NLRP2: variants seen among roughly 807,000 people sequenced by gnomAD.
The protein encoded by NLRP2 is NACHT, LRR and PYD domains-containing protein 2.
Under a neutral mutation model 97.2 loss-of-function variants are expected in NLRP2, and 107 were observed. The observed-to-expected ratio is 1.10, with a 90% CI of 0.94 to 1.29. NLRP2 has a LOEUF of 1.29. Ranked by LOEUF, NLRP2 falls within the 50% of genes most tolerant of loss-of-function variation. The pLI is 0.00. For synonymous variants in NLRP2, 663 were observed against 551.5 expected (o/e 1.20, Z -2.83); for missense variants, 1,495 against 1,330.3 (o/e 1.12, Z -1.93).
intron 10 of NLRP2, among the ~76,000 whole-genome samples, chr19:54,992,938 A>G (rs531529426): frequency 4.0e-4 from 61 of 151,998 alleles, no homozygotes; most frequent in African/African-American, 1.5e-3. Flanking sequence ...GTTTTCCTCC[A>G]TTACAGTCAT....
chr19:54,973,360 T>TGG (rs1427042880), intron 2 of NLRP2, among the ~76,000 whole-genome samples: 2 of 149,346 alleles, frequency 1.3e-5, no homozygotes, highest in East Asian at 2.0e-4. Flanking sequence ...TTTTTTTTTT[T>TGG]TTTGGTTTGG....
At chr19:54,995,719 G>GT (rs1458409617) in intron 11 of NLRP2, among the ~76,000 whole-genome samples, 2 of 152,076 alleles carry the variant, frequency 1.3e-5, no homozygotes, top group African/African-American at 4.8e-5. Context: ...ACTTGAACCT[G>GT]GAATCCTATC....
intron 7 of NLRP2, among the ~76,000 whole-genome samples, chr19:54,985,860 T>A (rs2072037099): frequency 6.6e-6 from 1 of 151,872 alleles, no homozygotes; most frequent in African/African-American, 2.4e-5. Context: ...TTGCCAGGTG[T>A]CGTGGCAGGT....
At chr19:54,976,269 G>C (rs922314670) in intron 3 of NLRP2, among the ~76,000 whole-genome samples, 1 of 151,480 alleles carries the variant, frequency 6.6e-6, no homozygotes, top group Non-Finnish European at 1.5e-5. Flanking sequence ...TGGCCAGGCT[G>C]GTCTTGAACT....
At chr19:54,999,510 T>C (rs2073063189) in intron 12 of NLRP2, among the ~76,000 whole-genome samples, 1 of 152,098 alleles carries the variant, frequency 6.6e-6, no homozygotes, top group African/African-American at 2.4e-5. Context: ...AAGTGGGTGA[T>C]AGAGCGGGTA....
Position 54,990,577 on chromosome 19 carries a change from A to C in NLRP2, c.2613A>C (p.Thr871=), listed in dbSNP as rs758445018. 1.9e-6 allele frequency: 3 copies of C among 1,614,180 alleles called. No individual in the cohort carries two copies. The highest frequency in any genetic ancestry group is 4.5e-5 in the East Asian group (2 of 44,886). The change falls in exon 10 of 13, where the codon ACA becomes ACC. Residue 871 remains threonine (T), a synonymous_variant. Transcript: ENST00000448584. ...AAVLVVSREL[T]HLCLAKNPIG... is the part of the protein sequence containing the mutation. Reference sequence around the variant, plus strand: ...TGTTGGTTGTCAGCCGGGAGCTGACACACCTGTGCTTGGCCAAGAACCCCA... The same window carrying C: ...TGTTGGTTGTCAGCCGGGAGCTGACCCACCTGTGCTTGGCCAAGAACCCCA...
At chr19:54,976,927 G>A (rs752083425) in intron 3 of NLRP2, 38 of 387,260 alleles carry the variant, frequency 9.8e-5, no homozygotes, top group Non-Finnish European at 1.6e-4. Context: ...CAATTCCCTT[G>A]CCTCAGCCTC....
chr19:54,994,924 A>G (rs1326506933), intron 11 of NLRP2, among the ~76,000 whole-genome samples: 1 of 151,408 alleles, frequency 6.6e-6, no homozygotes, highest in Non-Finnish European at 1.5e-5. Flanking sequence ...TCTAAGTTCT[A>G]GTCTGTGTCA....
chr19:54,990,014 T>C lies in NLRP2; in HGVS notation c.2367-8T>C. On this transcript the variant is annotated splice_polypyrimidine_tract_variant and splice_region_variant and intron_variant, in intron 8 of 12. Transcript: ENST00000448584. ...AAAAAAAATGACGTGGTCCTATTTC[T>C]CCCACAGGTTGGTGTCTTGTTCCGC... 6.2e-7 allele frequency: 1 copy of C among 1,611,818 alleles called. No individual in the cohort carries two copies. Among genetic ancestry groups the C allele is most frequent in the Non-Finnish European group, 8.5e-7 (1 of 1,178,994 alleles).
chr19:54,983,574 A>G lies in NLRP2; in HGVS notation c.1876A>G (p.Lys626Glu). 1.2e-6 allele frequency: 2 copies of G among 1,614,192 alleles called. No homozygotes were observed. Among genetic ancestry groups the G allele is most frequent in the Non-Finnish European group, 1.7e-6 (2 of 1,180,022 alleles). ...ELVKEVMAQFKEISLHLNAVD... is the reference protein window; with the variant it reads ...ELVKEVMAQFEEISLHLNAVD... ...GGTGAAGGAGGTGATGGCTCAGTTCAAAGAAATATCCCTGCACTTAAATGC... is the reference window on the plus strand; with the variant it reads ...GGTGAAGGAGGTGATGGCTCAGTTCGAAGAAATATCCCTGCACTTAAATGC... The change falls in exon 6 of 13, where the codon AAA becomes GAA. Residue 626 changes from lysine (K) to glutamate (E), a missense_variant. Physicochemically the swap from Lys to Glu is moderately conservative, Grantham distance 56. Transcript: ENST00000448584.
At chr19:54,994,634 A>G (rs1386298692) in intron 11 of NLRP2, among the ~76,000 whole-genome samples, 195 bp downstream of exon 11, 1 of 150,092 alleles carries the variant, frequency 6.7e-6, no homozygotes, top group Non-Finnish European at 1.5e-5. Context: ...TTTTTTCTTG[A>G]AGTTTTGCTC....
chr19:54,969,421 T>A (rs1297185025), intron 1 of NLRP2, among the ~76,000 whole-genome samples: 1 of 145,124 alleles, frequency 6.9e-6, no homozygotes, highest in Non-Finnish European at 1.5e-5. Flanking sequence ...GAGGTTGTAG[T>A]GAGCCGAGAT....
chr19:54,978,860 A>G (rs2071404325), intron 4 of NLRP2, among the ~76,000 whole-genome samples: 1 of 151,970 alleles, frequency 6.6e-6, no homozygotes, highest in African/African-American at 2.4e-5. Flanking sequence ...AAAAAAAAAA[A>G]AAATTGACAG....
At position 54,983,734 on chromosome 19, in the gene NLRP2, A is replaced by C; in HGVS notation, c.2030+6A>C. 1 of 1,608,646 alleles carries C rather than the reference A, an allele frequency of 6.2e-7. No individual in the cohort carries two copies. The highest frequency in any genetic ancestry group is 8.5e-7 in the Non-Finnish European group (1 of 1,179,850). ...TCAGACGCCGAGGTTGAGAGGTGAG[A>C]ACCGTTTCACTCTACCAGTCGTTCC... On this transcript the variant is annotated splice_donor_region_variant and intron_variant, in intron 6 of 12. Coordinates refer to ENST00000448584, the MANE Select transcript of NLRP2 (RefSeq NM_017852.5).
intron 8 of NLRP2, among the ~76,000 whole-genome samples, chr19:54,989,153 T>C (rs948225730): frequency 6.6e-6 from 1 of 151,428 alleles, no homozygotes; most frequent in Non-Finnish European, 1.5e-5. Flanking sequence ...AGCCGGGGTT[T>C]CACCATGTTG....
At chr19:54,986,788 C>A (rs1349873450) in intron 8 of NLRP2, among the ~76,000 whole-genome samples, 1 of 150,270 alleles carries the variant, frequency 6.7e-6, no homozygotes, top group Non-Finnish European at 1.5e-5. Context: ...CCTCAGGTGA[C>A]CTGCCCTCCT....
intron 3 of NLRP2, chr19:54,976,787 A>G (rs1415312150): frequency 2.6e-6 from 1 of 379,680 alleles, no homozygotes; most frequent in African/African-American, 2.8e-5. Flanking sequence ...AGATATTGTT[A>G]TTAGGATTCC....
At chr19:54,977,226 A>G (rs1193759065) in intron 3 of NLRP2, among the ~76,000 whole-genome samples, 1 of 152,094 alleles carries the variant, frequency 6.6e-6, no homozygotes, top group Non-Finnish European at 1.5e-5. Flanking sequence ...GTTCGAGACC[A>G]GCCTGACCAA....
Position 54,990,017 on chromosome 19 carries a change from C to G in NLRP2, c.2367-5C>G. On this transcript the variant is annotated splice_polypyrimidine_tract_variant and splice_region_variant and intron_variant, in intron 8 of 12. Coordinates refer to ENST00000448584, the MANE Select transcript of NLRP2 (RefSeq NM_017852.5). ...AAAAATGACGTGGTCCTATTTCTCCCACAGGTTGGTGTCTTGTTCCGCTAC... is the reference window on the plus strand; with the variant it reads ...AAAAATGACGTGGTCCTATTTCTCCGACAGGTTGGTGTCTTGTTCCGCTAC... The G allele has an allele frequency of 6.2e-7, 1 of 1,613,812 alleles. No individual in the cohort carries two copies. The highest frequency in any genetic ancestry group is 8.5e-7 in the Non-Finnish European group (1 of 1,179,966).
Sources: gnomAD v4.1 joint callset for allele counts (sites outside exome capture counted in the v4.1 genomes callset) on GRCh38, gnomAD v4.1.1 for gene constraint, MANE v1.5 for transcripts, NCBI Gene and HGNC (gene_info 2026-07-23, HGNC 2026-07-21) for gene names.